The following ARHGAP30 variants were observed in gnomAD, a reference collection of about 807,000 sequenced individuals.
The protein encoded by ARHGAP30 is Rho GTPase activating protein 30.
A neutral mutation model predicts 72.0 loss-of-function variants in ARHGAP30; 23 were observed. The observed-to-expected ratio is 0.32, with a 90% CI of 0.23 to 0.45. ARHGAP30 has a LOEUF of 0.45. Among genes scored for constraint, ARHGAP30 ranks in the 20% least tolerant of loss-of-function variants. ARHGAP30 has a pLI of 1.00. For synonymous variants in ARHGAP30, 576 were observed against 528.2 expected (o/e 1.09, Z -1.24); for missense variants, 1,319 against 1,383.4 (o/e 0.95, Z 0.74).
chr1:161,061,308 GACAC>G (rs1163291347), intron 1 of ARHGAP30, among the ~76,000 whole-genome samples: 2 of 151,910 alleles, frequency 1.3e-5, no homozygotes, highest in Non-Finnish European at 2.9e-5. Flanking sequence ...TGGAATTACA[GACAC>G]GCGCCACCAC....
chr1:161,059,529 C>T (rs975898061), intron 2 of ARHGAP30, 85 bp downstream of exon 2: 10 of 1,171,920 alleles, frequency 8.5e-6, no homozygotes, highest in Non-Finnish European at 1.1e-5. Context: ...CACTCCCCAT[C>T]TCTGCTGTCC....
Position 161,047,710 on chromosome 1 carries a change from C to T in ARHGAP30, c.*5G>A. 7 of 1,514,938 alleles carry T rather than the reference C, an allele frequency of 4.6e-6. No homozygotes were observed. The highest frequency in any genetic ancestry group is 6.2e-6 in the Non-Finnish European group (7 of 1,132,074). The allele number at this position is 1,514,938 out of a possible 1,614,324, so 93.8% of individuals were successfully genotyped here. A position where few individuals can be genotyped will look rare whatever the true frequency, so the allele number is the denominator to read the frequency against. On this transcript the variant is annotated 3_prime_UTR_variant, in exon 12 of 12. Coordinates refer to ENST00000368013, the MANE Select transcript of ARHGAP30 (RefSeq NM_001025598.2). ...GGTCCCCTTTGCCCAGGGCTGTGGT[C>T]CTAATCACAGTCCTTCACCTTTCCC...
chr1:161,056,987 C>T (rs1298555587), intron 2 of ARHGAP30, among the ~76,000 whole-genome samples: 1 of 152,058 alleles, frequency 6.6e-6, no homozygotes, highest in Non-Finnish European at 1.5e-5. Flanking sequence ...GAAATGGATA[C>T]ATTGAACATC....
Position 161,055,886 on chromosome 1 carries a change from TAAATAAAATAAAATAAAATA to T in ARHGAP30, c.345+482_345+501del, listed in dbSNP as rs796072565. On this transcript the variant is annotated intron_variant, in intron 3 of 11. Coordinates refer to ENST00000368013, the MANE Select transcript of ARHGAP30 (RefSeq NM_001025598.2). Reference sequence around the variant, plus strand: ...AAAATAAAATAAAATAAAATAAAAATAAATAAAATAAAATAAAATAAAATAAAATAAAATAAAATAAAATA... The same window carrying T: ...AAAATAAAATAAAATAAAATAAAAATAAATAAAATAAAATAAAATAAAATA... 3.1e-3 allele frequency among the ~76,000 whole-genome samples: 171 copies of T among 55,188 alleles called. 1 individual carries two copies. The highest frequency in any genetic ancestry group is 4.6e-3 in the Non-Finnish European group (114 of 25,012). The allele number at this position is 55,188 out of a possible 152,430, so 36.2% of individuals were successfully genotyped here. A position where few individuals can be genotyped will look rare whatever the true frequency, so the allele number is the denominator to read the frequency against.
intron 1 of ARHGAP30, among the ~76,000 whole-genome samples, chr1:161,061,805 T>C (rs1001212985): frequency 6.6e-6 from 1 of 152,062 alleles, no homozygotes; most frequent in African/African-American, 2.4e-5. Context: ...TCCTCAAAAA[T>C]GGCCAGGCGT....
chr1:161,064,779 AAAAGAAAGAAAGAAAGAAAG>A lies in ARHGAP30; in HGVS notation c.97+4729_97+4748del, dbSNP rs201614477. Among the ~76,000 whole-genome samples, 10 of 98,152 alleles carry A rather than the reference AAAAGAAAGAAAGAAAGAAAG, an allele frequency of 1.0e-4. 1 individual carries two copies. The East Asian group carries it at 1.8e-3, about 18-fold the overall frequency. The allele number at this position is 98,152 out of a possible 152,430, so 64.4% of individuals were successfully genotyped here. A position where few individuals can be genotyped will look rare whatever the true frequency, so the allele number is the denominator to read the frequency against. On this transcript the variant is annotated intron_variant, in intron 1 of 11. Coordinates refer to ENST00000368013, the MANE Select transcript of ARHGAP30 (RefSeq NM_001025598.2). Reference sequence around the variant, plus strand: ...AGAAAGAGAAAGAAAGAAAGAAAGAAAAAGAAAGAAAGAAAGAAAGAAAGAAAGAAAGAAAGAAAGAAAGA... The same window carrying A: ...AGAAAGAGAAAGAAAGAAAGAAAGAAAAAGAAAGAAAGAAAGAAAGAAAGA...
At chr1:161,055,176 A>G (rs547156586) in intron 3 of ARHGAP30, among the ~76,000 whole-genome samples, 1 of 152,186 alleles carries the variant, frequency 6.6e-6, no homozygotes, top group South Asian at 2.1e-4. Context: ...AAAATAGCAT[A>G]TTTTTCATGT....
At chr1:161,053,960 C>T (rs1225500758) in intron 5 of ARHGAP30, among the ~76,000 whole-genome samples, 2 of 152,146 alleles carry the variant, frequency 1.3e-5, no homozygotes, top group African/African-American at 4.8e-5. Context: ...CCCAGCTACT[C>T]AGGAGGCTGA....
intron 6 of ARHGAP30, 69 bp from the exon 7 acceptor site, chr1:161,052,866 T>G (rs1651519677): frequency 1.9e-6 from 3 of 1,551,936 alleles, no homozygotes; most frequent in Non-Finnish European, 1.7e-6. Context: ...ACCCAATCCT[T>G]CATCACCCCT....
rs1419698290 is a variant in ARHGAP30 at position 161,049,056 on chromosome 1, C to G, written c.1965G>C (p.Trp655Cys). Residue 655 changes from tryptophan (W) to cysteine (C), a missense_variant, in exon 12 of 12, where the codon TGG becomes TGC. Physicochemically the swap from Trp to Cys is radical, Grantham distance 215. Coordinates refer to ENST00000368013, the MANE Select transcript of ARHGAP30 (RefSeq NM_001025598.2). The part of the protein sequence containing the change: ...LGQGGEEQAC[W>C]EVGEDKQAEP... ...CAGCCTGCTTGTCCTCCCCAACTTC[C>G]CAGCATGCCTGCTCTTCCCCACCCT... is the stretch of plus-strand genomic sequence containing the variant. The G allele has an allele frequency of 1.2e-6, 2 of 1,614,140 alleles. No homozygotes were observed. Among genetic ancestry groups the G allele is most frequent in the East Asian group, 2.2e-5 (1 of 44,876 alleles).
chr1:161,064,759 GAGAAAGAAAGAA>G (rs1168418861), intron 1 of ARHGAP30, among the ~76,000 whole-genome samples: 1 of 118,310 alleles, frequency 8.5e-6, no homozygotes, highest in African/African-American at 3.1e-5. Context: ...AAGAAAGAAA[GAGAAAGAAAGAA>G]AGAAAGAAAA....
Position 161,053,303 on chromosome 1 carries a change from T to G in ARHGAP30, c.619A>C (p.Ile207Leu), listed in dbSNP as rs1161145609. The change falls in exon 6 of 12, where the codon ATC (isoleucine) becomes CTC (leucine). Residue 207 changes from isoleucine (I) to leucine (L), a missense_variant. By Grantham distance (5) the Ile-to-Leu change is conservative. Coordinates refer to ENST00000368013, the MANE Select transcript of ARHGAP30 (RefSeq NM_001025598.2). ...AAGAGCTGGTCCACGTGTGTGAGGATGAACTCCACGACGATGGATTGTACC... is the reference window on the plus strand; with the variant it reads ...AAGAGCTGGTCCACGTGTGTGAGGAGGAACTCCACGACGATGGATTGTACC... The part of the protein sequence containing the change: ...VRVQSIVVEF[I>L]LTHVDQLFGG... The G allele has an allele frequency of 6.2e-7, 1 of 1,613,882 alleles. No homozygotes were observed. The highest frequency in any genetic ancestry group is 1.3e-5 in the African/African-American group (1 of 74,914).
chr1:161,047,081 A>T lies in ARHGAP30; in HGVS notation c.*634T>A, dbSNP rs1422234679. 2.3e-6 allele frequency: 1 copy of T among 434,012 alleles called. No homozygotes were observed. 26.9% of individuals were successfully genotyped at this position (434,012 alleles called of 1,614,324 possible). On this transcript the variant is annotated 3_prime_UTR_variant, in exon 12 of 12. Transcript: ENST00000368013. The stretch of plus-strand genomic sequence containing the variant: ...TCCTGAAATAGGAACAAGTTATTCC[A>T]AAGGAGAAAGGAGAGCCCAGAGAGA...
chr1:161,048,488 C>G lies in ARHGAP30; in HGVS notation c.2533G>C (p.Ala845Pro). The G allele has an allele frequency of 6.2e-7, 1 of 1,614,154 alleles. No individual in the cohort carries two copies. The highest frequency in any genetic ancestry group is 8.5e-7 in the Non-Finnish European group (1 of 1,180,028). The stretch of plus-strand genomic sequence containing the variant: ...CCTCCAGCCCTCTGGTCTCCCTCAG[C>G]CTCTCCATCCCCACTCTCCCGTTCC... The part of the protein sequence containing the change: ...SKERESGDGE[A>P]EGDQRAGGYY... Residue 845 changes from alanine (A) to proline (P), a missense_variant, in exon 12 of 12, where the codon GCT becomes CCT. This residue lies in a region of ARHGAP30 where 1,097 missense variants were observed against 1,045.2 expected (regional missense o/e 1.05). Transcript: ENST00000368013.
chr1:161,060,018 A>G, intron 1 of ARHGAP30: 1 of 342,162 alleles, frequency 2.9e-6, no homozygotes, highest in South Asian at 2.4e-5. Flanking sequence ...GCAGTGGCTC[A>G]CCCCTGTAAG....
chr1:161,047,090 A>G lies in ARHGAP30; in HGVS notation c.*625T>C, dbSNP rs1336473021. The G allele has an allele frequency of 7.0e-6, 3 of 430,244 alleles. No individual in the cohort carries two copies. Among genetic ancestry groups the G allele is most frequent in the South Asian group, 1.7e-5 (1 of 57,656 alleles). 26.7% of individuals were successfully genotyped at this position (430,244 alleles called of 1,614,324 possible). On this transcript the variant is annotated 3_prime_UTR_variant, in exon 12 of 12. Transcript: ENST00000368013. ...AGGAACAAGTTATTCCAAAGGAGAA[A>G]GGAGAGCCCAGAGAGATCTGTACAG...
Position 161,069,812 on chromosome 1 carries a change from G to C in ARHGAP30, c.-188C>G. ...CCTGCCCCTGGGGCCCCGGCCACAC[G>C]GAAGTGGCTGTTGAAGAGGAAGCTA... On this transcript the variant is annotated 5_prime_UTR_variant, in exon 1 of 12. Coordinates refer to ENST00000368013, the MANE Select transcript of ARHGAP30 (RefSeq NM_001025598.2). The surrounding 1 kb of genome is among the most constrained non-coding windows in gnomAD (Gnocchi z 4.9). 1.7e-6 allele frequency: 1 copy of C among 603,312 alleles called. No homozygotes were observed. Among genetic ancestry groups the C allele is most frequent in the Non-Finnish European group, 2.9e-6 (1 of 339,048 alleles). The allele number at this position is 603,312 out of a possible 1,614,324, so 37.4% of individuals were successfully genotyped here. A position where few individuals can be genotyped will look rare whatever the true frequency, so the allele number is the denominator to read the frequency against.
At chr1:161,056,799 G>A (rs1207543795) in intron 2 of ARHGAP30, among the ~76,000 whole-genome samples, 1 of 152,210 alleles carries the variant, frequency 6.6e-6, no homozygotes, top group African/African-American at 2.4e-5. Flanking sequence ...CTGTAGATAT[G>A]TGTAGCAGTA....
rs771844552 is a variant in ARHGAP30, at chr1:161,048,368, T to A, written c.2653A>T (p.Met885Leu). 22 of 1,614,014 alleles carry A rather than the reference T, an allele frequency of 1.4e-5. No individual in the cohort carries two copies. Among genetic ancestry groups the A allele is most frequent in the Non-Finnish European group, 1.9e-5 (22 of 1,180,042 alleles). Reference sequence around the variant, plus strand: ...GGTGGCTGTGGGGCTACCTCTTCCATCTCAGAAGAGTGAGGATTGCCCTCT... The same window carrying A: ...GGTGGCTGTGGGGCTACCTCTTCCAACTCAGAAGAGTGAGGATTGCCCTCT... ...AKEGNPHSSE[M>L]EEVAPQPPQP... The change falls in exon 12 of 12, where the codon ATG becomes TTG. Residue 885 changes from methionine (M) to leucine (L), a missense_variant. By Grantham distance (15) the Met-to-Leu change is conservative. Transcript: ENST00000368013.
Sources: allele counts gnomAD v4.1 joint callset (sites outside exome capture counted in the v4.1 genomes callset), GRCh38; gene constraint gnomAD v4.1.1; regional missense constraint gnomAD v4.1.1; non-coding constraint Gnocchi (gnomAD v3.1); transcripts MANE v1.5; gene names NCBI Gene and HGNC (gene_info 2026-07-23, HGNC 2026-07-21).